The following LIFR variants were observed in gnomAD, a reference collection of about 807,000 sequenced individuals.
LIFR encodes the protein LIF receptor subunit alpha, also known as leukemia inhibitory factor receptor.
Under a neutral mutation model 122.2 loss-of-function variants are expected in LIFR, and 84 were observed. The ratio of observed to expected loss-of-function variants is 0.69; its 90% CI spans 0.58 to 0.82. The LOEUF is 0.82. Among genes scored for constraint, LIFR ranks in the 40% least tolerant of loss-of-function variants. The pLI is 0.00. For synonymous variants in LIFR, 422 were observed against 434.7 expected (o/e 0.97, Z 0.36); for missense variants, 1,294 against 1,311.6 (o/e 0.99, Z 0.21).
intron 6 of LIFR, among the ~76,000 whole-genome samples, chr5:38,510,989 T>G (rs978008726): frequency 6.6e-6 from 1 of 151,286 alleles, no homozygotes; most frequent in African/African-American, 2.4e-5. Context: ...CAGAAGCAGA[T>G]TACAGGTCAG....
chr5:38,597,165 C>T (rs1033868621), upstream of LIFR, among the ~76,000 whole-genome samples: 1 of 152,212 alleles, frequency 6.6e-6, no homozygotes, highest in Non-Finnish European at 1.5e-5. Flanking sequence ...AAAGCTTATA[C>T]TCAGCCAGGC....
intron 11 of LIFR, among the ~76,000 whole-genome samples, chr5:38,501,698 G>A (rs190994511): frequency 3.4e-4 from 52 of 151,934 alleles, no homozygotes; most frequent in African/African-American, 1.3e-3. Context: ...CCGAGATCGC[G>A]CCATTGCACT....
rs76195552 is a variant in LIFR at position 38,561,917 on chromosome 5, C to G, written c.-19-31251G>C. Among the ~76,000 whole-genome samples the G allele has an allele frequency of 9.1e-3, 1,381 of 152,334 alleles. 119 individuals carry two copies. The East Asian group carries it at 0.2, about 22-fold the overall frequency. ...ATTTGAAGAACATGAAGTAAGAACACTTTCCCCCGATACACTAACATTTGC... is the reference window on the plus strand; with the variant it reads ...ATTTGAAGAACATGAAGTAAGAACAGTTTCCCCCGATACACTAACATTTGC... On this transcript the variant is annotated intron_variant, in intron 1 of 19. Coordinates refer to the LIFR transcript ENST00000263409.
chr5:38,553,539 C>T (rs1458332079), intron 1 of LIFR, among the ~76,000 whole-genome samples: 2 of 145,902 alleles, frequency 1.4e-5, no homozygotes, highest in Non-Finnish European at 3.0e-5. Flanking sequence ...ATACAGACAA[C>T]GTTAGCAGTT....
chr5:38,547,448 T>G (rs1332950820), intron 1 of LIFR, among the ~76,000 whole-genome samples: 1 of 152,214 alleles, frequency 6.6e-6, no homozygotes, highest in African/African-American at 2.4e-5. Context: ...CCATGAATTC[T>G]ACACAGGAAC....
rs556240742 is a variant in LIFR at position 38,475,802 on chromosome 5, G to C, written c.*5793C>G. On this transcript the variant is annotated 3_prime_UTR_variant, in exon 20 of 20. Coordinates refer to ENST00000453190, the MANE Select transcript of LIFR (RefSeq NM_001127671.2). ...AGAAGAAAACCTAACATCCTTATTA[G>C]GAAAGTTAAGTATTTTGAAATGATT... 3.2e-5 allele frequency: 6 copies of C among 188,514 alleles called. No homozygotes were observed. The South Asian group carries it at 1.2e-3, about 37-fold the overall frequency. 11.7% of individuals were successfully genotyped at this position (188,514 alleles called of 1,614,324 possible).
chr5:38,558,973 A>G (rs1300449328), upstream of LIFR: 1 of 152,290 alleles, frequency 6.6e-6, no homozygotes. Flanking sequence ...GCAGAGGGAA[A>G]GTCCTAGTGG....
chr5:38,502,541 G>GGTC, intron 11 of LIFR, 96 bp downstream of exon 11: 1 of 1,033,052 alleles, frequency 9.7e-7, no homozygotes, highest in Non-Finnish European at 1.5e-6. Flanking sequence ...TTACAGGTGT[G>GGTC]ACCCACTGCA....
At chr5:38,558,147 A>G (rs1014516751), upstream of LIFR, 5 of 152,038 alleles carry the variant, frequency 3.3e-5, no homozygotes, top group Admixed American at 3.3e-4. Context: ...ATATATTAAT[A>G]TATTTGTTTT....
At chr5:38,535,662 AT>A (rs1203204318) in intron 1 of LIFR, among the ~76,000 whole-genome samples, 1 of 152,172 alleles carries the variant, frequency 6.6e-6, no homozygotes, top group Non-Finnish European at 1.5e-5. Flanking sequence ...AGACCGTCAG[AT>A]CCTTGAGAGC....
At chr5:38,497,035 C>T (rs1217665926) in intron 12 of LIFR, among the ~76,000 whole-genome samples, 11 of 151,988 alleles carry the variant, frequency 7.2e-5, no homozygotes, top group African/African-American at 2.7e-4. Flanking sequence ...TGGCCAAGTG[C>T]GCCTATAATC....
chr5:38,547,382 G>A (rs1325982234), intron 1 of LIFR, among the ~76,000 whole-genome samples: 2 of 152,146 alleles, frequency 1.3e-5, no homozygotes, highest in East Asian at 1.9e-4. Context: ...AGCAAAAAAA[G>A]AAGTAAAATG....
chr5:38,603,746 C>CA (rs1221056605), intron 2 of LIFR, among the ~76,000 whole-genome samples: 2 of 152,106 alleles, frequency 1.3e-5, no homozygotes, highest in African/African-American at 4.8e-5. Flanking sequence ...CTAATGTCTC[C>CA]AGGGACTAAA....
chr5:38,499,644 G>C, intron 11 of LIFR, 61 bp from the exon 12 acceptor site: 1 of 1,159,070 alleles, frequency 8.6e-7, no homozygotes, highest in Non-Finnish European at 1.3e-6. Context: ...ATGGTGCTTG[G>C]CATTTTTTTT....
rs541111947 is a variant in LIFR, at chr5:38,515,109, T to A, written c.562-3145A>T. On this transcript the variant is annotated intron_variant, in intron 5 of 19. Coordinates refer to ENST00000453190, the MANE Select transcript of LIFR (RefSeq NM_001127671.2). Reference sequence around the variant, plus strand: ...CCTTGGACCACAGCTTCCTAAGAAATGTGCTGAAAGACACTGAAGTCTATC... The same window carrying A: ...CCTTGGACCACAGCTTCCTAAGAAAAGTGCTGAAAGACACTGAAGTCTATC... Among the ~76,000 whole-genome samples the A allele has an allele frequency of 2.6e-4, 40 of 152,242 alleles. No individual in the cohort carries two copies. The Middle Eastern group carries it at 0.01, about 39-fold the overall frequency.
rs756215187 is a variant in LIFR at position 38,510,480 on chromosome 5, G to C, written c.975C>G (p.Thr325=). The C allele has an allele frequency of 6.8e-6, 11 of 1,611,764 alleles. No individual in the cohort carries two copies. The highest frequency in any genetic ancestry group is 9.3e-6 in the Non-Finnish European group (11 of 1,178,732). The change falls in exon 7 of 20, where the codon ACC becomes ACG. Residue 325 remains threonine, a synonymous_variant. Coordinates refer to ENST00000453190, the MANE Select transcript of LIFR (RefSeq NM_001127671.2). ...VFTTEDNIFG[T]VIFAGYPPDT... ...TATACTTACATCCAGCAAAAATAAC[G>C]GTTCCAAATATGTTATCTTCGGTTG...
chr5:38,563,968 G>A lies in LIFR; in HGVS notation c.-20+31293C>T, dbSNP rs376446458. 6.6e-5 allele frequency among the ~76,000 whole-genome samples: 10 copies of A among 152,146 alleles called. No individual in the cohort carries two copies. The East Asian group carries it at 1.5e-3, about 23-fold the overall frequency. ...GTGAGTGAGGCTTTGACAAAGTTGG[G>A]TTTTGACTGAGTGCTGTCAAAGGCT... On this transcript the variant is annotated intron_variant, in intron 1 of 19. Transcript: ENST00000263409.
rs551392640 is a variant in LIFR, at chr5:38,574,860, T to G, written c.-20+20401A>C. Reference sequence around the variant, plus strand: ...CCTTCCCTGTAATATCTATACACATTGTTTTACCTCTATAGCTAGAATATG... The same window carrying G: ...CCTTCCCTGTAATATCTATACACATGGTTTTACCTCTATAGCTAGAATATG... On this transcript the variant is annotated intron_variant, in intron 1 of 19. Coordinates refer to the LIFR transcript ENST00000263409. Among the ~76,000 whole-genome samples the G allele has an allele frequency of 1.8e-4, 28 of 152,326 alleles. 1 individual carries two copies. In the South Asian group the frequency reaches 5.4e-3, roughly 29 times the overall value.
chr5:38,588,760 A>G (rs1483778630), intron 1 of LIFR, among the ~76,000 whole-genome samples: 1 of 152,190 alleles, frequency 6.6e-6, no homozygotes, highest in African/African-American at 2.4e-5. Context: ...GACCCCTAAT[A>G]GGATAAAAGG....
Sources: gnomAD v4.1 joint callset for allele counts (sites outside exome capture counted in the v4.1 genomes callset) on GRCh38, gnomAD v4.1.1 for gene constraint, MANE v1.5 for transcripts, NCBI Gene and HGNC (gene_info 2026-07-23, HGNC 2026-07-21) for gene names.